ZNF609: variants seen among roughly 807,000 people sequenced by gnomAD.
ZNF609 encodes the protein zinc finger protein 609.
In ZNF609, 11 loss-of-function variants were observed where a neutral mutation model predicts 109.5. That is an observed-to-expected ratio of 0.10 (90% confidence interval 0.06 to 0.17). ZNF609 has a LOEUF of 0.17. Among genes scored for constraint, ZNF609 ranks in the 10% least tolerant of loss-of-function variants. ZNF609 has a pLI of 1.00. For missense variants in ZNF609, 1,559 were observed against 1,772.4 expected, an observed-to-expected ratio of 0.88 and a Z score of 2.16; for synonymous variants, 646 against 662.0, an observed-to-expected ratio of 0.98 and a Z score of 0.37.
At chr15:64,637,364 T>C (rs867024313) in intron 3 of ZNF609, among the ~76,000 whole-genome samples, 28 of 152,378 alleles carry the variant, frequency 1.8e-4, no homozygotes, top group Middle Eastern at 6.8e-3. Context: ...TGTACATGTC[T>C]ATTTGGGACT....
intron 1 of ZNF609, among the ~76,000 whole-genome samples, chr15:64,472,931 ATC>A (rs1171694069): frequency 6.6e-6 from 1 of 152,194 alleles, no homozygotes; most frequent in Non-Finnish European, 1.5e-5. Context: ...CTCAGCATTT[ATC>A]TGTTTTGGAA....
At chr15:64,536,916 G>GAAAAAAA (rs60594462) in intron 2 of ZNF609, among the ~76,000 whole-genome samples, 4 of 55,412 alleles carry the variant, frequency 7.2e-5, no homozygotes, top group East Asian at 9.3e-4. Context: ...TCTCAAAAAA[G>GAAAAAAA]AAAAAAAAAA....
At chr15:64,614,985 A>G (rs1895776570) in intron 2 of ZNF609, among the ~76,000 whole-genome samples, 1 of 151,120 alleles carries the variant, frequency 6.6e-6, no homozygotes, top group Admixed American at 6.6e-5. Context: ...CACCCGGCTA[A>G]TTTTTGTATT....
At chr15:64,657,251 CTG>C (rs1391712599) in intron 3 of ZNF609, among the ~76,000 whole-genome samples, 1 of 147,058 alleles carries the variant, frequency 6.8e-6, no homozygotes, top group Non-Finnish European at 1.5e-5. Flanking sequence ...CAGAGCAAGA[CTG>C]TGTCTCAAAA....
At position 64,499,625 on chromosome 15, in the gene ZNF609, C is replaced by A; in HGVS notation, c.206C>A (p.Pro69Gln). Reference sequence around the variant, plus strand: ...GCTCCCAATGCTGTGGCCACACTACCAGACAACATCAAGTTTGTGACCCCA... The same window carrying A: ...GCTCCCAATGCTGTGGCCACACTACAAGACAACATCAAGTTTGTGACCCCA... ...IPAPNAVATLPDNIKFVTPVP... is the reference protein window; with the variant it reads ...IPAPNAVATLQDNIKFVTPVP... Residue 69 changes from proline (P) to glutamine (Q), a missense_variant, in exon 2 of 10, where the codon CCA becomes CAA. By Grantham distance (76) the Pro-to-Gln change is moderately conservative. This residue lies in a region of ZNF609 where 291 missense variants were observed against 317.8 expected (regional missense o/e 0.92). Coordinates refer to ENST00000326648, the MANE Select transcript of ZNF609 (RefSeq NM_015042.2). 1 of 1,614,146 alleles carries A rather than the reference C, an allele frequency of 6.2e-7. No homozygotes were observed. The highest frequency in any genetic ancestry group is 8.5e-7 in the Non-Finnish European group (1 of 1,180,036).
intron 2 of ZNF609, among the ~76,000 whole-genome samples, chr15:64,526,667 G>A (rs1004179906): frequency 3.3e-5 from 5 of 151,928 alleles, no homozygotes; most frequent in Non-Finnish European, 7.4e-5. Context: ...AGGCTGGAGT[G>A]CAGTGGCACA....
At chr15:64,660,957 G>GT in intron 3 of ZNF609, among the ~76,000 whole-genome samples, 1 of 152,036 alleles carries the variant, frequency 6.6e-6, no homozygotes. Flanking sequence ...TTTGTTGTTT[G>GT]TTTGTTTGTT....
At chr15:64,463,479 G>T (rs1168700034) in intron 1 of ZNF609, among the ~76,000 whole-genome samples, 1 of 152,144 alleles carries the variant, frequency 6.6e-6, no homozygotes. Flanking sequence ...TTTAAAAAGA[G>T]ATTAGAAGTA....
intron 3 of ZNF609, among the ~76,000 whole-genome samples, chr15:64,662,657 A>C (rs986419200): frequency 6.6e-6 from 1 of 151,500 alleles, no homozygotes; most frequent in Non-Finnish European, 1.5e-5. Flanking sequence ...AGATATTTCT[A>C]CTAAAACTAA....
At chr15:64,498,464 A>G (rs1011013269) in intron 1 of ZNF609, among the ~76,000 whole-genome samples, 3 of 152,204 alleles carry the variant, frequency 2.0e-5, no homozygotes, top group Admixed American at 1.3e-4. Context: ...TTACATGAGA[A>G]AGTGAAGAGT....
chr15:64,481,135 ATATT>A (rs1386970744), intron 1 of ZNF609, among the ~76,000 whole-genome samples: 1 of 152,130 alleles, frequency 6.6e-6, no homozygotes, highest in Non-Finnish European at 1.5e-5. Context: ...GATCATGTAT[ATATT>A]AGGGTGAGTG....
chr15:64,541,839 CAAAAAAAAAAAA>C (rs59597800), intron 2 of ZNF609, among the ~76,000 whole-genome samples: 5 of 42,214 alleles, frequency 1.2e-4, no homozygotes, highest in Non-Finnish European at 2.0e-4. Context: ...GACTCCAACT[CAAAAAAAAAAAA>C]AAAAAAAAAA....
chr15:64,599,876 T>C (rs1895465187), intron 2 of ZNF609, among the ~76,000 whole-genome samples: 1 of 152,226 alleles, frequency 6.6e-6, no homozygotes, highest in South Asian at 2.1e-4. Context: ...ATATGCTTTC[T>C]TCTTTTCTTG....
rs147709760 is a variant in ZNF609, at chr15:64,659,270, C to T, written c.974-11076C>T. Among the ~76,000 whole-genome samples, 7 of 152,296 alleles carry T rather than the reference C, an allele frequency of 4.6e-5. No homozygotes were observed. The South Asian group carries it at 1.2e-3, about 27-fold the overall frequency. On this transcript the variant is annotated intron_variant, in intron 3 of 9. Coordinates refer to ENST00000326648, the MANE Select transcript of ZNF609 (RefSeq NM_015042.2). The stretch of plus-strand genomic sequence containing the variant: ...ACACTCACACACTGCATTCAAAACT[C>T]GCTGGCAAACTGTGGTCGTAGGGAG...
At chr15:64,602,889 A>ATTTTTTTTTTTTT (rs10600562) in intron 2 of ZNF609, among the ~76,000 whole-genome samples, 33 of 75,176 alleles carry the variant, frequency 4.4e-4, no homozygotes, top group Middle Eastern at 0.014. Context: ...CTCTGGGCTA[A>ATTTTTTTTTTTTT]TTTTTTTTTT....
rs2141016612 is a variant in ZNF609, at chr15:64,675,978, C to A, written c.3124C>A (p.Gln1042Lys). The A allele has an allele frequency of 6.2e-7, 1 of 1,614,206 alleles. No individual in the cohort carries two copies. Among genetic ancestry groups the A allele is most frequent in the South Asian group, 1.1e-5 (1 of 91,092 alleles). Residue 1042 changes from glutamine (Q) to lysine (K), a missense_variant, in exon 5 of 10, where the codon CAA becomes AAA. Around this residue, in one of 4 missense-constraint regions of ZNF609, gnomAD observed 1,204 missense variants for 1,314.1 expected, o/e 0.92. Coordinates refer to ENST00000326648, the MANE Select transcript of ZNF609 (RefSeq NM_015042.2). Reference sequence around the variant, plus strand: ...GGCAGCACTCAAGGAAGAGTGGAAGCAAAAGCCGTCAATTCCACCAACTCT... The same window carrying A: ...GGCAGCACTCAAGGAAGAGTGGAAGAAAAAGCCGTCAATTCCACCAACTCT... The part of the protein sequence containing the change: ...REAALKEEWK[Q>K]KPSIPPTLTK...
In ZNF609 at chr15:64,683,062, C is replaced by T. The variant is rs1227227556; in HGVS notation, c.*1376C>T. ...GCAGTCTCCCAATGGAAGCTTTATACTCTTTGTACTGGGAAAGTGAGGATG... is the reference window on the plus strand; with the variant it reads ...GCAGTCTCCCAATGGAAGCTTTATATTCTTTGTACTGGGAAAGTGAGGATG... On this transcript the variant is annotated 3_prime_UTR_variant, in exon 10 of 10. Transcript: ENST00000326648. The T allele has an allele frequency of 6.6e-6, 1 of 152,622 alleles. No homozygotes were observed. The highest frequency in any genetic ancestry group is 1.9e-4 in the East Asian group (1 of 5,196). The allele number at this position is 152,622 out of a possible 1,614,324, so 9.5% of individuals were successfully genotyped here.
intron 1 of ZNF609, among the ~76,000 whole-genome samples, chr15:64,493,662 G>A (rs745550381): frequency 6.6e-6 from 1 of 152,312 alleles, no homozygotes; most frequent in South Asian, 2.1e-4. Flanking sequence ...AAAGAAGGAA[G>A]TGGAGTACAC....
intron 2 of ZNF609, among the ~76,000 whole-genome samples, chr15:64,576,033 C>T (rs1011812788): frequency 1.9e-4 from 29 of 152,050 alleles, no homozygotes; most frequent in African/African-American, 5.3e-4. Context: ...ACCTGGGAGG[C>T]GGAGCTTGCA....
Sources: gnomAD v4.1 joint callset for allele counts (sites outside exome capture counted in the v4.1 genomes callset) on GRCh38, gnomAD v4.1.1 for gene constraint, gnomAD v4.1.1 regional missense constraint, MANE v1.5 for transcripts, NCBI Gene and HGNC (gene_info 2026-07-23, HGNC 2026-07-21) for gene names.